Variants in CD163L1 observed in about 807,000 individuals in gnomAD.
CD163L1 encodes CD163 molecule like 1, also known as scavenger receptor cysteine-rich type 1 protein M160.
A neutral mutation model predicts 165.4 loss-of-function variants in CD163L1; 124 were observed. The observed-to-expected ratio is 0.75, with a 90% CI of 0.65 to 0.87. The LOEUF is 0.87. Ranked by LOEUF, CD163L1 falls within the 40% of genes least tolerant of loss-of-function variation. The pLI is 0.00. For synonymous variants in CD163L1, 585 were observed against 662.2 expected, an observed-to-expected ratio of 0.88 and a Z score of 1.79; for missense variants, 1,525 against 1,799.9, an observed-to-expected ratio of 0.85 and a Z score of 2.76.
intron 2 of CD163L1, among the ~76,000 whole-genome samples, chr12:7,440,342 G>A (rs1441854601): frequency 6.6e-6 from 1 of 151,580 alleles, no homozygotes; most frequent in African/African-American, 2.4e-5. Flanking sequence ...CCGCCCACCG[G>A]CCCTGCCGCC....
intron 8 of CD163L1, among the ~76,000 whole-genome samples, chr12:7,394,320 C>A (rs1158837714): frequency 6.6e-6 from 1 of 152,024 alleles, no homozygotes; most frequent in African/African-American, 2.4e-5. Context: ...TTTGACAAAC[C>A]TGACAAAAAC....
chr12:7,335,179 A>C, the CD163L1 span, among the ~76,000 whole-genome samples: 2 of 152,094 alleles, frequency 1.3e-5, no homozygotes, highest in East Asian at 1.9e-4. Context: ...AGCCTGCATC[A>C]CCAAGTCAAT....
At chr12:7,366,887 A>T (rs1947032237) in intron 18 of CD163L1, among the ~76,000 whole-genome samples, 1 of 152,168 alleles carries the variant, frequency 6.6e-6, no homozygotes, top group Non-Finnish European at 1.5e-5. Flanking sequence ...AATAGAATGT[A>T]ATGAAATTGG....
At chr12:7,363,792 A>AG (rs1351217893) in intron 18 of CD163L1, among the ~76,000 whole-genome samples, 1 of 150,752 alleles carries the variant, frequency 6.6e-6, no homozygotes, top group Non-Finnish European at 1.5e-5. Context: ...AATAATAAGA[A>AG]AAAAAAAAAC....
At chr12:7,392,818 G>A (rs1591917631) in intron 8 of CD163L1, among the ~76,000 whole-genome samples, 1 of 151,946 alleles carries the variant, frequency 6.6e-6, no homozygotes, top group Non-Finnish European at 1.5e-5. Flanking sequence ...CTAGAAAATC[G>A]AGAAGAAGTG....
In CD163L1 at chr12:7,368,765, T is replaced by G; in HGVS notation, c.4072+168A>C. 1 of 689,012 alleles carries G rather than the reference T, an allele frequency of 1.5e-6. No individual in the cohort carries two copies. The highest frequency in any genetic ancestry group is 2.2e-5 in the Admixed American group (1 of 44,932). 42.7% of individuals were successfully genotyped at this position (689,012 alleles called of 1,614,324 possible). A position where few individuals can be genotyped will look rare whatever the true frequency, so the allele number is the denominator to read the frequency against. On this transcript the variant is annotated intron_variant, in intron 16 of 19. Coordinates refer to ENST00000313599, the MANE Select transcript of CD163L1 (RefSeq NM_174941.6). This position sits in a 1 kb window ranked among gnomAD's most constrained non-coding sequence, Gnocchi z 4.3. ...AAAGGATTTTTCTAGAGAGAAGGAC[T>G]GCATAGCAAAGCAGTCACAGAGCTA... is the stretch of plus-strand genomic sequence containing the variant.
Position 7,437,670 on chromosome 12 carries a change from C to CT in CD163L1, c.124+3483dup, listed in dbSNP as rs199974619. Among the ~76,000 whole-genome samples the CT allele has an allele frequency of 4.1e-3, 550 of 132,792 alleles. 1 individual carries two copies. Among genetic ancestry groups the CT allele is most frequent in the African/African-American group, 0.011 (406 of 36,320 alleles). The allele number at this position is 132,792 out of a possible 152,430, so 87.1% of individuals were successfully genotyped here. On this transcript the variant is annotated intron_variant, in intron 2 of 19. Transcript: ENST00000313599. Reference sequence around the variant, plus strand: ...TCCCTACAAAGGGCATGAACTCATCCTTTTTTTTTTTTTTTTTGACACTGT... The same window carrying CT: ...TCCCTACAAAGGGCATGAACTCATCCTTTTTTTTTTTTTTTTTTGACACTGT...
In CD163L1 at chr12:7,368,987, A is replaced by G. The variant is rs776289623; in HGVS notation, c.4040-22T>C. On this transcript the variant is annotated intron_variant, in intron 15 of 19. Transcript: ENST00000313599. The surrounding 1 kb of genome is among the most constrained non-coding windows in gnomAD (Gnocchi z 4.3). ...TGTCCTGAGAGAGAGAGAGAGAGAG[A>G]GAGACGTAAATGAACGAAAAGGAAC... 7.4e-6 allele frequency: 12 copies of G among 1,612,646 alleles called. No individual in the cohort carries two copies. The highest frequency in any genetic ancestry group is 1.0e-5 in the Non-Finnish European group (12 of 1,179,634).
chr12:7,349,856 T>C (rs746041323), intron 4 of CD163L1, among the ~76,000 whole-genome samples: 1 of 152,206 alleles, frequency 6.6e-6, no homozygotes, highest in Non-Finnish European at 1.5e-5. Flanking sequence ...AGTATCTCAT[T>C]GATCTCATTG....
the CD163L1 span, among the ~76,000 whole-genome samples, chr12:7,319,257 C>A: frequency 2.0e-5 from 3 of 152,038 alleles, no homozygotes; most frequent in Non-Finnish European, 4.4e-5. Flanking sequence ...CTAATGCCAC[C>A]ATTGACCTGA....
chr12:7,430,653 T>C (rs940728547), intron 4 of CD163L1, among the ~76,000 whole-genome samples: 3 of 152,128 alleles, frequency 2.0e-5, no homozygotes, highest in African/African-American at 7.2e-5. Context: ...TATTAACACA[T>C]GAAGAATGAG....
At chr12:7,438,523 A>G (rs1056493965) in intron 2 of CD163L1, among the ~76,000 whole-genome samples, 2 of 152,212 alleles carry the variant, frequency 1.3e-5, no homozygotes, top group African/African-American at 2.4e-5. Flanking sequence ...TGCTCCATAT[A>G]TCATCTGAGT....
intron 9 of CD163L1, 48 bp downstream of exon 9, chr12:7,378,930 C>A: frequency 2.0e-6 from 3 of 1,530,312 alleles, no homozygotes; most frequent in Non-Finnish European, 2.6e-6. Context: ...TAAATAAGTG[C>A]AAAAATAAAT....
In CD163L1 at chr12:7,432,173, C is replaced by T. The variant is rs1395741490; in HGVS notation, c.766+243G>A. ...GTTTTTAGAAAAAAGATTTGATCGG[C>T]CTATGGAATACTGCTGAGTGATCAG... On this transcript the variant is annotated intron_variant, in intron 4 of 19. Coordinates refer to ENST00000313599, the MANE Select transcript of CD163L1 (RefSeq NM_174941.6). The surrounding 1 kb of genome is among the most constrained non-coding windows in gnomAD (Gnocchi z 4.2). 6.6e-6 allele frequency among the ~76,000 whole-genome samples: 1 copy of T among 152,072 alleles called. No individual in the cohort carries two copies. The highest frequency in any genetic ancestry group is 1.5e-5 in the Non-Finnish European group (1 of 68,002).
the CD163L1 span, among the ~76,000 whole-genome samples, chr12:7,331,894 A>G: frequency 6.6e-6 from 1 of 152,244 alleles, no homozygotes; most frequent in African/African-American, 2.4e-5. Context: ...CTCCAAAGGA[A>G]CGCAGCTCCT....
At chr12:7,434,617 A>G (rs1456487942) in intron 2 of CD163L1, among the ~76,000 whole-genome samples, 1 of 152,018 alleles carries the variant, frequency 6.6e-6, no homozygotes, top group South Asian at 2.1e-4. Context: ...TAAGAAGAGC[A>G]AGTGAGCCAA....
At chr12:7,395,448 G>A (rs1486046176) in intron 8 of CD163L1, among the ~76,000 whole-genome samples, 1 of 152,166 alleles carries the variant, frequency 6.6e-6, no homozygotes, top group Non-Finnish European at 1.5e-5. Flanking sequence ...CTGTCGGTTG[G>A]TGGGGGACTG....
intron 4 of CD163L1, among the ~76,000 whole-genome samples, chr12:7,415,051 G>A (rs1367734306): frequency 6.6e-6 from 1 of 152,080 alleles, no homozygotes; most frequent in Non-Finnish European, 1.5e-5. Flanking sequence ...TCAGAATACT[G>A]TAACACTGTA....
rs761477123 is a variant in CD163L1 at position 7,369,379 on chromosome 12, T to C, written c.4017A>G (p.Glu1339=). ...TACCAGAGCACCTCACGCCAGCATCTTCCTTGTGTCCACAGTCACTCTGTC... is the reference window on the plus strand; with the variant it reads ...TACCAGAGCACCTCACGCCAGCATCCTCCTTGTGTCCACAGTCACTCTGTC... ...PWGQSDCGHK[E]DAGVRCSGQS... The change falls in exon 15 of 20, where the codon GAA becomes GAG. Residue 1339 remains glutamate (E), a synonymous_variant. Coordinates refer to ENST00000313599, the MANE Select transcript of CD163L1 (RefSeq NM_174941.6). This position sits in a 1 kb window ranked among gnomAD's most constrained non-coding sequence, Gnocchi z 4.9. The C allele has an allele frequency of 5.0e-6, 8 of 1,614,020 alleles. No homozygotes were observed. In the African/African-American group the frequency reaches 6.7e-5, roughly 13 times the overall value.
Sources: gnomAD v4.1 joint callset for allele counts (sites outside exome capture counted in the v4.1 genomes callset) on GRCh38, gnomAD v4.1.1 for gene constraint, Gnocchi (gnomAD v3.1) non-coding constraint, MANE v1.5 for transcripts, NCBI Gene and HGNC (gene_info 2026-07-23, HGNC 2026-07-21) for gene names.